The following KIF23 variants were observed in gnomAD, a reference collection of about 807,000 sequenced individuals.
The protein encoded by KIF23 is kinesin family member 23, also known as kinesin-like protein KIF23.
KIF23 carries 30 observed loss-of-function variants against 137.5 expected under a neutral mutation model. The observed-to-expected ratio is 0.22, with a 90% CI of 0.16 to 0.30. The LOEUF is 0.30. Ranked by LOEUF, KIF23 falls within the 10% of genes least tolerant of loss-of-function variation. KIF23 has a pLI of 1.00. For synonymous variants in KIF23, 367 were observed against 391.1 expected, an observed-to-expected ratio of 0.94 and a Z score of 0.73; for missense variants, 920 against 1,194.3, an observed-to-expected ratio of 0.77 and a Z score of 3.38.
intron 1 of KIF23, 21 bp downstream of exon 1, chr15:69,414,497 C>G (rs781250415): frequency 6.4e-7 from 1 of 1,568,940 alleles, no homozygotes; most frequent in Non-Finnish European, 8.6e-7. Context: ...GGCCGCCGAG[C>G]AGGGAGAGAG....
chr15:69,445,223 G>C (rs1054292331), intron 20 of KIF23, among the ~76,000 whole-genome samples, 182 bp downstream of exon 20: 23 of 151,974 alleles, frequency 1.5e-4, no homozygotes, highest in African/African-American at 5.6e-4. Context: ...TGCCAAACTG[G>C]GACTAAGTAT....
rs780759145 is a variant in KIF23 at position 69,422,872 on chromosome 15, C to T, written c.564-287C>T. On this transcript the variant is annotated intron_variant, in intron 6 of 23. Transcript: ENST00000679126. ...GTGGAGTGCAGTGGCATGATCTCGG[C>T]TCACTGCAACCTCTGCCTTCCAGGT... 6 of 307,670 alleles carry T rather than the reference C, an allele frequency of 2.0e-5. No homozygotes were observed. In the South Asian group the frequency reaches 2.2e-4, roughly 11 times the overall value. 19.1% of individuals were successfully genotyped at this position (307,670 alleles called of 1,614,324 possible). A position where few individuals can be genotyped will look rare whatever the true frequency, so the allele number is the denominator to read the frequency against.
Position 69,426,154 on chromosome 15 carries a change from T to G in KIF23, c.861T>G (p.Thr287=). The part of the protein sequence containing the change: ...AGCTEVEVKS[T]EEAFEVFWRG... The stretch of plus-strand genomic sequence containing the variant: ...GTACAGAAGTTGAAGTGAAATCTAC[T>G]GAGGAGGCTTTTGAAGTTTTCTGGA... Residue 287 remains threonine, a synonymous_variant, in exon 9 of 24, where the codon ACT becomes ACG. Transcript: ENST00000679126. 1 of 1,608,740 alleles carries G rather than the reference T, an allele frequency of 6.2e-7. No homozygotes were observed. Among genetic ancestry groups the G allele is most frequent in the Non-Finnish European group, 8.5e-7 (1 of 1,178,830 alleles).
chr15:69,416,681 G>A (rs1201037123), intron 2 of KIF23, among the ~76,000 whole-genome samples: 3 of 152,160 alleles, frequency 2.0e-5, no homozygotes, highest in Non-Finnish European at 4.4e-5. Flanking sequence ...TAGGCTGGGT[G>A]CGGTGGCTCA....
intron 21 of KIF23, 83 bp from the exon 22 acceptor site, chr15:69,446,200 G>A: frequency 1.4e-6 from 2 of 1,419,150 alleles, no homozygotes; most frequent in Non-Finnish European, 1.0e-6. Context: ...CCAAAGGGAT[G>A]TAGATAGTAT....
At position 69,444,771 on chromosome 15, in the gene KIF23, G is replaced by A; in HGVS notation, c.2422-19G>A. On this transcript the variant is annotated intron_variant, in intron 19 of 23. Coordinates refer to ENST00000679126, the MANE Select transcript of KIF23 (RefSeq NM_001367805.3). This position sits in a 1 kb window ranked among gnomAD's most constrained non-coding sequence, Gnocchi z 4.2. Reference sequence around the variant, plus strand: ...TAATAATACCCTTAAATTAATTCTGGGTTATGCTTGTTTCTCAGTTACTCT... The same window carrying A: ...TAATAATACCCTTAAATTAATTCTGAGTTATGCTTGTTTCTCAGTTACTCT... 6.2e-7 allele frequency: 1 copy of A among 1,610,668 alleles called. No homozygotes were observed.
chr15:69,443,176 G>T (rs2057661746), intron 19 of KIF23, among the ~76,000 whole-genome samples: 1 of 152,084 alleles, frequency 6.6e-6, no homozygotes, highest in Admixed American at 6.6e-5. Context: ...GCTGTCACTA[G>T]TGCTGCATTT....
At chr15:69,438,852 T>G (rs1019824155) in intron 16 of KIF23, among the ~76,000 whole-genome samples, 1 of 151,626 alleles carries the variant, frequency 6.6e-6, no homozygotes, top group African/African-American at 2.4e-5. Context: ...GCCTGTAGTC[T>G]CAGCACATTG....
rs2057776632 is a variant in KIF23, at chr15:69,448,067, G to A, written c.*260G>A. The A allele has an allele frequency of 3.3e-6, 1 of 300,374 alleles. No homozygotes were observed. The highest frequency in any genetic ancestry group is 6.1e-6 in the Non-Finnish European group (1 of 164,594). The allele number at this position is 300,374 out of a possible 1,614,324, so 18.6% of individuals were successfully genotyped here. Reference sequence around the variant, plus strand: ...GAGGAAGACTCCTTTTTTCATCACTGTATGAATTTTTTATAATGTTTTTTT... The same window carrying A: ...GAGGAAGACTCCTTTTTTCATCACTATATGAATTTTTTATAATGTTTTTTT... On this transcript the variant is annotated 3_prime_UTR_variant, in exon 24 of 24. Coordinates refer to ENST00000679126, the MANE Select transcript of KIF23 (RefSeq NM_001367805.3).
rs952761475 is a variant in KIF23, at chr15:69,436,454, A to G, written c.1439-110A>G. On this transcript the variant is annotated intron_variant, in intron 14 of 23. Transcript: ENST00000679126. ...TAGGTAAGTAAACTTATGTCAGCTC[A>G]AGAAATTGCAATGGTTAGTTGCACT... 4.2e-6 allele frequency: 5 copies of G among 1,192,780 alleles called. No individual in the cohort carries two copies. The African/African-American group carries it at 6.1e-5, about 15-fold the overall frequency. The allele number at this position is 1,192,780 out of a possible 1,614,324, so 73.9% of individuals were successfully genotyped here.
chr15:69,428,073 A>G (rs2057249808), intron 10 of KIF23, among the ~76,000 whole-genome samples: 1 of 152,080 alleles, frequency 6.6e-6, no homozygotes, highest in South Asian at 2.1e-4. Context: ...CCTGGCCAAC[A>G]TGGCGAAACC....
chr15:69,440,826 A>G lies in KIF23; in HGVS notation c.2168A>G (p.Gln723Arg). The G allele has an allele frequency of 6.2e-7, 1 of 1,613,674 alleles. No individual in the cohort carries two copies. Among genetic ancestry groups the G allele is most frequent in the Non-Finnish European group, 8.5e-7 (1 of 1,180,036 alleles). ...SNGQQLMSQP[Q>R]LHRRSNSCSS... ...GGCCAGCAACTCATGAGCCAGCCAC[A>G]GCTACATAGGCGCTCTAACTCTTGC... The change falls in exon 19 of 24, where the codon CAG becomes CGG. Residue 723 changes from glutamine (Q) to arginine (R), a missense_variant. This residue lies in a region of KIF23 where 714 missense variants were observed against 866.2 expected (regional missense o/e 0.82). Transcript: ENST00000679126.
chr15:69,438,451 G>A, intron 16 of KIF23, 46 bp downstream of exon 16: 1 of 1,536,210 alleles, frequency 6.5e-7, no homozygotes. Flanking sequence ...TGGTGTTTTA[G>A]CACTGTTCTC....
intron 11 of KIF23, among the ~76,000 whole-genome samples, chr15:69,430,998 C>T (rs567636996): frequency 2.6e-5 from 4 of 152,086 alleles, no homozygotes; most frequent in African/African-American, 7.2e-5. Context: ...GATCATTTTG[C>T]CAGTGTAGAG....
rs1294292729 is a variant in KIF23 at position 69,447,833 on chromosome 15, C to T, written c.*26C>T. On this transcript the variant is annotated 3_prime_UTR_variant, in exon 24 of 24. Transcript: ENST00000679126. ...ACTGACAGTCCCAGTACTGAAAGAA[C>T]ATTTTCATTTGTGTGGATGATTTCT... 1.9e-6 allele frequency: 3 copies of T among 1,598,932 alleles called. No homozygotes were observed. Among genetic ancestry groups the T allele is most frequent in the Non-Finnish European group, 2.6e-6 (3 of 1,168,936 alleles).
rs759333544 is a variant in KIF23, at chr15:69,435,570, G to A, written c.1194+8G>A. 28 of 1,613,808 alleles carry A rather than the reference G, an allele frequency of 1.7e-5. 1 individual carries two copies. Among genetic ancestry groups the A allele is most frequent in the Non-Finnish European group, 1.9e-5 (23 of 1,179,938 alleles). ...ATGTATGGAACTAACAAGGTAAGCA[G>A]CAGCCTTCTCTGTTCTTTTGTATAG... On this transcript the variant is annotated splice_region_variant and intron_variant, in intron 12 of 23. Coordinates refer to ENST00000679126, the MANE Select transcript of KIF23 (RefSeq NM_001367805.3).
At chr15:69,429,659 GT>G (rs2057304530) in intron 11 of KIF23, among the ~76,000 whole-genome samples, 1 of 152,132 alleles carries the variant, frequency 6.6e-6, no homozygotes, top group Admixed American at 6.5e-5. Flanking sequence ...TAGAGGCTAA[GT>G]TTATAGTTAG....
chr15:69,421,319 C>T (rs918561250), intron 3 of KIF23, among the ~76,000 whole-genome samples: 1 of 152,080 alleles, frequency 6.6e-6, no homozygotes, highest in African/African-American at 2.4e-5. Flanking sequence ...ACCCAGGAGG[C>T]AGAGGTTGCA....
chr15:69,420,830 G>T (rs1223654675), intron 3 of KIF23, among the ~76,000 whole-genome samples: 3 of 152,012 alleles, frequency 2.0e-5, no homozygotes, highest in Non-Finnish European at 2.9e-5. Flanking sequence ...GCTTGCCCAG[G>T]CTGGTCTCTT....
Sources: allele counts gnomAD v4.1 joint callset (sites outside exome capture counted in the v4.1 genomes callset), GRCh38; gene constraint gnomAD v4.1.1; regional missense constraint gnomAD v4.1.1; non-coding constraint Gnocchi (gnomAD v3.1); transcripts MANE v1.5; gene names NCBI Gene and HGNC (gene_info 2026-07-23, HGNC 2026-07-21).